The following KRT8 variants were observed in gnomAD, a reference collection of about 807,000 sequenced individuals.
The protein encoded by KRT8 is keratin, type II cytoskeletal 8.
KRT8 carries 24 observed loss-of-function variants against 43.0 expected under a neutral mutation model. The ratio of observed to expected loss-of-function variants is 0.56; its 90% CI spans 0.40 to 0.78. KRT8 has a LOEUF of 0.78. Among genes scored for constraint, KRT8 ranks in the 30% least tolerant of loss-of-function variants. The probability of loss-of-function intolerance (pLI) is 0.00; values close to 1 mark genes in which losing one functional copy is unlikely to be tolerated. For synonymous variants in KRT8, 214 were observed against 261.2 expected, an observed-to-expected ratio of 0.82 and a Z score of 1.74; for missense variants, 492 against 638.4, an observed-to-expected ratio of 0.77 and a Z score of 2.47.
intron 2 of KRT8, among the ~76,000 whole-genome samples, chr12:52,926,048 G>A (rs1002672915): frequency 2.0e-5 from 3 of 152,052 alleles, no homozygotes; most frequent in South Asian, 4.2e-4. Flanking sequence ...AGGCTGGTGC[G>A]AGAGGCCCCC....
chr12:52,945,702 G>A (rs916471771), intron 2 of KRT8, among the ~76,000 whole-genome samples: 21 of 152,078 alleles, frequency 1.4e-4, no homozygotes, highest in Admixed American at 1.3e-3. Context: ...TCTGCTGGAC[G>A]CTGGAATGCA....
At chr12:52,939,433 G>A (rs1439701007) in intron 2 of KRT8, among the ~76,000 whole-genome samples, 2 of 152,078 alleles carry the variant, frequency 1.3e-5, no homozygotes, top group Non-Finnish European at 2.9e-5. Context: ...GAACCTGGGA[G>A]GTGGAAGGTG....
At chr12:52,906,677 A>G (rs764494191), upstream of KRT8, 5 of 455,798 alleles carry the variant, frequency 1.1e-5, no homozygotes, top group African/African-American at 2.0e-5. Context: ...TCTCTGGAAG[A>G]TACTGCAGGG....
chr12:52,902,546 C>G (rs1367881940), intron 1 of KRT8, among the ~76,000 whole-genome samples: 1 of 152,066 alleles, frequency 6.6e-6, no homozygotes, highest in African/African-American at 2.4e-5. Flanking sequence ...TGCCACCACG[C>G]CCCACTAATT....
chr12:52,899,327 A>G (rs908938073), intron 5 of KRT8, among the ~76,000 whole-genome samples: 1 of 151,994 alleles, frequency 6.6e-6, no homozygotes, highest in African/African-American at 2.4e-5. Flanking sequence ...AAATAAATAA[A>G]TAAATAAACG....
At chr12:52,909,001 G>A (rs1258942242), upstream of KRT8, among the ~76,000 whole-genome samples, 1 of 151,988 alleles carries the variant, frequency 6.6e-6, no homozygotes, top group Non-Finnish European at 1.5e-5. Flanking sequence ...GAGACAGAGT[G>A]AAACTCTGTC....
chr12:52,910,091 C>A (rs1343739158), upstream of KRT8, among the ~76,000 whole-genome samples: 1 of 152,122 alleles, frequency 6.6e-6, no homozygotes, highest in Non-Finnish European at 1.5e-5. Flanking sequence ...TTTCAACATT[C>A]TCTCACCCTC....
At chr12:52,905,018 G>A (rs753365668) in exon 1 of KRT8, 55 of 1,585,010 alleles carry the variant, frequency 3.5e-5, no homozygotes, top group Middle Eastern at 1.7e-4. Context: ...GGCCGAACCA[G>A]GCGGAGATCC....
At chr12:52,928,820 C>T (rs1051742100) in intron 2 of KRT8, among the ~76,000 whole-genome samples, 3 of 152,150 alleles carry the variant, frequency 2.0e-5, no homozygotes, top group African/African-American at 7.2e-5. Context: ...GCGAGAGAAT[C>T]GCTTGACCCC....
At chr12:52,898,972 C>G in intron 5 of KRT8, 73 bp from the exon 6 acceptor site, 1 of 1,339,838 alleles carries the variant, frequency 7.5e-7, no homozygotes, top group South Asian at 1.2e-5. Context: ...CACCCTCCCT[C>G]AGGGTCCTCC....
At position 52,901,735 on chromosome 12, in the gene KRT8, A is replaced by G. The variant is rs1023477418; in HGVS notation, c.533+129T>C. On this transcript the variant is annotated intron_variant, in intron 2 of 7. Transcript: ENST00000692008. ...CAGACTGTTCCGAGCAAACCTCATC[A>G]GGTGGTCACCCTAATTAGATAGGAC... is the stretch of plus-strand genomic sequence containing the variant. 6 of 732,012 alleles carry G rather than the reference A, an allele frequency of 8.2e-6. No individual in the cohort carries two copies. The African/African-American group carries it at 1.0e-4, about 13-fold the overall frequency. The allele number at this position is 732,012 out of a possible 1,614,324, so 45.3% of individuals were successfully genotyped here. A position where few individuals can be genotyped will look rare whatever the true frequency, so the allele number is the denominator to read the frequency against.
chr12:52,941,153 G>T (rs543303865), intron 2 of KRT8, among the ~76,000 whole-genome samples: 129 of 146,686 alleles, frequency 8.8e-4, no homozygotes, highest in Non-Finnish European at 1.7e-3. Context: ...CACAACCTCC[G>T]CCTCCTGGGT....
chr12:52,897,364 G>A (rs760593694), exon 8 of KRT8: 43 of 1,405,842 alleles, frequency 3.1e-5, no homozygotes, highest in Admixed American at 2.0e-4. Flanking sequence ...CCTGCATAGC[G>A]GCCTCCTTCC....
chr12:52,932,031 A>G (rs374609145), intron 2 of KRT8, among the ~76,000 whole-genome samples: 1 of 151,754 alleles, frequency 6.6e-6, no homozygotes, highest in Non-Finnish European at 1.5e-5. Context: ...TCCTGGACTC[A>G]AGTAATCTGC....
chr12:52,938,179 T>A (rs1942209563), intron 2 of KRT8, among the ~76,000 whole-genome samples: 5 of 95,798 alleles, frequency 5.2e-5, no homozygotes, highest in African/African-American at 2.2e-4. Flanking sequence ...TATTTTTTTT[T>A]TTTTTTATAT....
chr12:52,921,828 T>C (rs1424361766), intron 2 of KRT8, among the ~76,000 whole-genome samples: 2 of 152,064 alleles, frequency 1.3e-5, no homozygotes, highest in African/African-American at 4.8e-5. Flanking sequence ...AAAATAAGCA[T>C]TATCTGCATT....
chr12:52,948,983 G>T (rs1476576659), intron 2 of KRT8: 4 of 495,152 alleles, frequency 8.1e-6, no homozygotes, highest in Middle Eastern at 5.2e-4. Context: ...CGGGGGTGGG[G>T]CCCGGGGCGG....
At position 52,935,378 on chromosome 12, in the gene KRT8, C is replaced by CAAA. The variant is rs71092794; in HGVS notation, c.-47+14075_-47+14077dup. Among the ~76,000 whole-genome samples, 9 of 23,748 alleles carry CAAA rather than the reference C, an allele frequency of 3.8e-4. 1 individual carries two copies. Among genetic ancestry groups the CAAA allele is most frequent in the African/African-American group, 1.4e-3 (7 of 5,154 alleles). The allele number at this position is 23,748 out of a possible 152,430, so 15.6% of individuals were successfully genotyped here. ...TGGGTGACAGAGCAAGACTCTGTCT[C>CAAA]AAAAAAAAAAAAAAAAAAAAAAAAA... On this transcript the variant is annotated intron_variant, in intron 2 of 6. Coordinates refer to the KRT8 transcript ENST00000546826.
At chr12:52,904,002 T>G (rs1208711630) in intron 1 of KRT8, among the ~76,000 whole-genome samples, 1 of 151,382 alleles carries the variant, frequency 6.6e-6, no homozygotes, top group Non-Finnish European at 1.5e-5. Flanking sequence ...GGCCGGGGTA[T>G]GACTCATTCT....
Sources: allele counts gnomAD v4.1 joint callset (sites outside exome capture counted in the v4.1 genomes callset), GRCh38; gene constraint gnomAD v4.1.1; transcripts MANE v1.5; gene names NCBI Gene and HGNC (gene_info 2026-07-23, HGNC 2026-07-21).